KIAA1217: variants seen among roughly 807,000 people sequenced by gnomAD.
KIAA1217 encodes the protein KIAA1217, also known as sickle tail protein homolog.
A neutral mutation model predicts 163.9 loss-of-function variants in KIAA1217; 88 were observed. That is an observed-to-expected ratio of 0.54 (90% CI 0.45 to 0.64). KIAA1217 has a LOEUF of 0.64. Among genes scored for constraint, KIAA1217 ranks in the 30% least tolerant of loss-of-function variants. The pLI, the probability that KIAA1217 is intolerant of heterozygous loss-of-function variation, is 0.00. For synonymous variants in KIAA1217, 903 were observed against 923.1 expected, an observed-to-expected ratio of 0.98 and a Z score of 0.39; for missense variants, 2,372 against 2,475.0, an observed-to-expected ratio of 0.96 and a Z score of 0.88.
At chr10:24,194,339 C>T (rs549382235) in intron 2 of KIAA1217, among the ~76,000 whole-genome samples, 1 of 128,184 alleles carries the variant, frequency 7.8e-6, no homozygotes, top group African/African-American at 3.0e-5. Context: ...CTCCCCTACC[C>T]CACCCCACCA....
intron 1 of KIAA1217, among the ~76,000 whole-genome samples, chr10:23,877,251 G>A (rs1459104233): frequency 1.3e-5 from 2 of 151,902 alleles, no homozygotes; most frequent in African/African-American, 4.8e-5. Context: ...CTTCTCACAG[G>A]CATTAGACCA....
intron 3 of KIAA1217, among the ~76,000 whole-genome samples, chr10:24,426,481 G>A (rs896551275): frequency 2.6e-5 from 4 of 151,948 alleles, no homozygotes; most frequent in Non-Finnish European, 4.4e-5. Flanking sequence ...AAAATTAGCC[G>A]GACATGGGGG....
intron 1 of KIAA1217, among the ~76,000 whole-genome samples, chr10:23,742,177 T>C (rs1256315729): frequency 6.6e-6 from 1 of 152,008 alleles, no homozygotes; most frequent in African/African-American, 2.4e-5. Flanking sequence ...TTTGAGTACA[T>C]GATAAATATC....
At chr10:24,282,368 G>A (rs367799110) in intron 2 of KIAA1217, among the ~76,000 whole-genome samples, 6 of 152,084 alleles carry the variant, frequency 3.9e-5, no homozygotes, top group African/African-American at 9.7e-5. Context: ...AAGTCACTAC[G>A]TGTTATCCAC....
chr10:24,351,259 G>A (rs891871982), intron 2 of KIAA1217, among the ~76,000 whole-genome samples: 6 of 152,130 alleles, frequency 3.9e-5, no homozygotes, highest in Non-Finnish European at 5.9e-5. Flanking sequence ...GTGATTATGC[G>A]TCTTGTAAAC....
chr10:24,445,537 C>A (rs537442905), intron 5 of KIAA1217, among the ~76,000 whole-genome samples: 5 of 117,410 alleles, frequency 4.3e-5, no homozygotes, highest in African/African-American at 1.6e-4. Flanking sequence ...CCCCTCCCCC[C>A]ACCCCACAAC....
chr10:24,544,883 C>T (rs1330809736), intron 19 of KIAA1217, 98 bp from the exon 20 acceptor site: 16 of 1,358,798 alleles, frequency 1.2e-5, no homozygotes, highest in Non-Finnish European at 1.2e-5. Flanking sequence ...GCTGTGGCTT[C>T]TCACCTTGAG....
At position 24,055,651 on chromosome 10, in the gene KIAA1217, T is replaced by C. The variant is rs543752045; in HGVS notation, c.-171+48277T>C. On this transcript the variant is annotated intron_variant, in intron 2 of 18. Coordinates refer to the KIAA1217 transcript ENST00000376462. ...TTTTCTGGTTTTGATGATGAAGTTC[T>C]TTCTAAGAAGGTGAGGGCTTATTTG... is the stretch of plus-strand genomic sequence containing the variant. Among the ~76,000 whole-genome samples, 20 of 152,336 alleles carry C rather than the reference T, an allele frequency of 1.3e-4. No homozygotes were observed. The East Asian group carries it at 3.9e-3, about 29-fold the overall frequency.
rs1554848840 is a variant in KIAA1217, at chr10:24,401,837, A to AAT, written c.553+20771_553+20772insTA. Among the ~76,000 whole-genome samples, 1,244 of 40,916 alleles carry AAT rather than the reference A, an allele frequency of 0.03. 18 individuals are homozygous for AAT. In the African/African-American group the frequency reaches 0.37, roughly 12 times the overall value. The allele number at this position is 40,916 out of a possible 152,430, so 26.8% of individuals were successfully genotyped here. A position where few individuals can be genotyped will look rare whatever the true frequency, so the allele number is the denominator to read the frequency against. On this transcript the variant is annotated intron_variant, in intron 3 of 20. Transcript: ENST00000376454. ...GGAAATCCAATGAATGCACCAAAAC[A>AAT]ACTCTCCTAGAAGTAATGAGTGAGT...
intron 1 of KIAA1217, among the ~76,000 whole-genome samples, chr10:23,959,911 C>CTTTTTT (rs1326171008): frequency 7.5e-5 from 8 of 106,260 alleles, no homozygotes; most frequent in African/African-American, 1.5e-4. Flanking sequence ...TCATAGACTT[C>CTTTTTT]TTTTTTTTTT....
intron 2 of KIAA1217, among the ~76,000 whole-genome samples, chr10:24,021,810 C>A (rs942665617): frequency 6.6e-6 from 1 of 151,610 alleles, no homozygotes; most frequent in African/African-American, 2.4e-5. Context: ...CAAATATAGT[C>A]AACTGATCTC....
At chr10:24,109,476 T>C (rs530041829) in intron 2 of KIAA1217, among the ~76,000 whole-genome samples, 1 of 152,292 alleles carries the variant, frequency 6.6e-6, no homozygotes, top group African/African-American at 2.4e-5. Flanking sequence ...GCTCCTATCT[T>C]CTGTCAATAA....
intron 2 of KIAA1217, among the ~76,000 whole-genome samples, chr10:24,045,782 G>A (rs1372214140): frequency 1.3e-5 from 2 of 152,120 alleles, no homozygotes; most frequent in Non-Finnish European, 1.5e-5. Flanking sequence ...GTTTCATGAT[G>A]AGGGTAACCA....
chr10:24,239,354 T>G (rs1466986186), intron 2 of KIAA1217: 10 of 967,562 alleles, frequency 1.0e-5, no homozygotes, highest in Non-Finnish European at 1.2e-5. Flanking sequence ...ATGCGGGGTT[T>G]TTTTCTTCCA....
At chr10:23,910,013 T>C (rs186285482) in intron 1 of KIAA1217, among the ~76,000 whole-genome samples, 2 of 152,280 alleles carry the variant, frequency 1.3e-5, no homozygotes, top group African/African-American at 4.8e-5. Context: ...TGGTATCTCA[T>C]TGTGGTTTTG....
At chr10:24,501,665 C>G in intron 9 of KIAA1217, 120 bp downstream of exon 9, 1 of 720,462 alleles carries the variant, frequency 1.4e-6, no homozygotes. Flanking sequence ...ATGGCTTCCT[C>G]TCTCACACAC....
chr10:24,491,628 C>T (rs1252722706), intron 6 of KIAA1217, among the ~76,000 whole-genome samples: 10 of 152,092 alleles, frequency 6.6e-5, no homozygotes, highest in South Asian at 2.1e-4. Context: ...CTTTGTTGGA[C>T]GATGTAATGA....
At chr10:23,772,584 A>G (rs1834845495) in intron 1 of KIAA1217, among the ~76,000 whole-genome samples, 1 of 152,198 alleles carries the variant, frequency 6.6e-6, no homozygotes, top group Non-Finnish European at 1.5e-5. Flanking sequence ...CTCCCAGTTT[A>G]TAAATTCAGA....
At chr10:24,311,735 T>A (rs557842993) in intron 2 of KIAA1217, among the ~76,000 whole-genome samples, 1 of 152,254 alleles carries the variant, frequency 6.6e-6, no homozygotes, top group East Asian at 1.9e-4. Flanking sequence ...GTGGGAACTT[T>A]TTGTCATCTG....
Sources: allele counts gnomAD v4.1 joint callset (sites outside exome capture counted in the v4.1 genomes callset), GRCh38; gene constraint gnomAD v4.1.1; transcripts MANE v1.5; gene names NCBI Gene and HGNC (gene_info 2026-07-23, HGNC 2026-07-21).